The following DMD variants were observed in gnomAD, a reference collection of about 807,000 sequenced individuals.
The protein encoded by DMD is mutant dystrophin.
In DMD, 63 loss-of-function variants were observed where a neutral mutation model predicts 330.1. The observed-to-expected ratio is 0.19, with a 90% confidence interval of 0.16 to 0.24. DMD has a LOEUF of 0.24. Among genes scored for constraint, DMD ranks in the 10% least tolerant of loss-of-function variants. The pLI is 1.00. For synonymous variants in DMD, 1,223 were observed against 959.8 expected (o/e 1.27, Z -5.07); for missense variants, 3,344 against 2,684.1 (o/e 1.25, Z -5.43).
intron 29 of DMD, among the ~76,000 whole-genome samples, chrX:32,429,387 G>GTTTTTTTTTGTTTTTT (rs2098227559): frequency 6.8e-5 from 3 of 44,197 alleles, no homozygotes; most frequent in African/African-American, 3.3e-4. Flanking sequence ...TTTTTTTTGG[G>GTTTTTTTTTGTTTTTT]TTTTTTTTTT....
intron 60 of DMD, among the ~76,000 whole-genome samples, chrX:31,365,797 A>G (rs759849960): frequency 8.9e-6 from 1 of 112,763 alleles, no homozygotes; most frequent in African/African-American, 3.2e-5. Context: ...GCTGGAGAGC[A>G]TGTTGTCTTG....
chrX:32,674,596 G>A (rs1410448582), intron 9 of DMD, among the ~76,000 whole-genome samples: 1 of 111,296 alleles, frequency 9.0e-6, no homozygotes, highest in Non-Finnish European at 1.9e-5. Flanking sequence ...GTGGGATACT[G>A]CTATGTACTT....
intron 76 of DMD, among the ~76,000 whole-genome samples, chrX:31,143,878 A>G (rs1391477992): frequency 3.6e-5 from 4 of 112,321 alleles, no homozygotes; most frequent in Non-Finnish European, 7.5e-5. Context: ...GTAGAAAAAA[A>G]TAAGAGGTAC....
chrX:31,184,063 C>G (rs1001741547), intron 67 of DMD, among the ~76,000 whole-genome samples: 1 of 110,372 alleles, frequency 9.1e-6, no homozygotes, highest in Non-Finnish European at 1.9e-5. Flanking sequence ...CACACGCCAC[C>G]CCACCCGGCT....
At chrX:31,561,875 G>A (rs2075218541) in intron 55 of DMD, among the ~76,000 whole-genome samples, 1 of 111,573 alleles carries the variant, frequency 9.0e-6, no homozygotes, top group Admixed American at 9.5e-5. Context: ...ATATTCAATG[G>A]TTATATATTT....
At chrX:32,525,722 A>G (rs962901566) in intron 17 of DMD, among the ~76,000 whole-genome samples, 11 of 111,022 alleles carry the variant, frequency 9.9e-5, no homozygotes, top group Non-Finnish European at 2.1e-4. Flanking sequence ...AAATGTCTTC[A>G]TGCTTTAAAT....
intron 51 of DMD, among the ~76,000 whole-genome samples, chrX:31,755,983 T>C (rs1351095756): frequency 2.7e-5 from 3 of 111,960 alleles, no homozygotes; most frequent in Non-Finnish European, 5.6e-5. Flanking sequence ...GAGTTATGCA[T>C]GTGCAAGAAA....
rs760478286 is a variant in DMD, at chrX:31,929,467, A to AAAAAC, written c.6912+124_6912+128dup. 28,839 of 843,208 alleles carry AAAAAC rather than the reference A, an allele frequency of 0.034. 505 individuals are homozygous for AAAAAC. The highest frequency in any genetic ancestry group is 0.042 in the Non-Finnish European group (24,283 of 578,231). 69.5% of individuals were successfully genotyped at this position (843,208 alleles called of 1,213,427 possible). A position where few individuals can be genotyped will look rare whatever the true frequency, so the allele number is the denominator to read the frequency against. ...TAGCCAAAGCAAACGGTCAGGTTAA[A>AAAAAC]AAAACAAAACAAAACAACAATCCAC... On this transcript the variant is annotated intron_variant, in intron 47 of 78. Transcript: ENST00000357033.
Position 31,749,643 on chromosome X carries a change from C to A in DMD, c.7543-19895G>T, listed in dbSNP as rs1161885422. 2.4e-3 allele frequency among the ~76,000 whole-genome samples: 260 copies of A among 108,578 alleles called. 1 individual carries two copies. The highest frequency in any genetic ancestry group is 8.2e-3 in the African/African-American group (246 of 29,836). The allele number at this position is 108,578 out of a possible 115,157, so 94.3% of individuals were successfully genotyped here. A position where few individuals can be genotyped will look rare whatever the true frequency, so the allele number is the denominator to read the frequency against. On this transcript the variant is annotated intron_variant, in intron 51 of 78. Coordinates refer to ENST00000357033, the MANE Select transcript of DMD (RefSeq NM_004006.3). ...CTTTATAGCAGCATGATTTATAGTC[C>A]TTTGGGTATATACCCAGTAATGGGA...
intron 62 of DMD, among the ~76,000 whole-genome samples, chrX:31,293,881 T>G (rs2053961711): frequency 9.0e-6 from 1 of 111,147 alleles, no homozygotes; most frequent in African/African-American, 3.3e-5. Flanking sequence ...ATAGGCCAGG[T>G]GTGGTGGCTC....
At position 32,568,259 on chromosome X, in the gene DMD, C is replaced by A. The variant is rs549915751; in HGVS notation, c.1813-2378G>T. On this transcript the variant is annotated intron_variant, in intron 15 of 78. Coordinates refer to ENST00000357033, the MANE Select transcript of DMD (RefSeq NM_004006.3). Reference sequence around the variant, plus strand: ...AGGTGGTGGCTCACGCCTATAATCTCAGCACTTTGGGAGGCTGAGGCGGGC... The same window carrying A: ...AGGTGGTGGCTCACGCCTATAATCTAAGCACTTTGGGAGGCTGAGGCGGGC... Among the ~76,000 whole-genome samples the A allele has an allele frequency of 2.6e-4, 29 of 112,057 alleles. No homozygotes were observed. In the Admixed American group the frequency reaches 2.7e-3, roughly 11 times the overall value.
chrX:33,211,368 A>C lies in DMD; in HGVS notation c.-56T>G, dbSNP rs188797362. 8.4e-7 allele frequency: 1 copy of C among 1,194,254 alleles called. No individual in the cohort carries two copies. Among genetic ancestry groups the C allele is most frequent in the East Asian group, 3.0e-5 (1 of 33,230 alleles). On this transcript the variant is annotated 5_prime_UTR_variant, in exon 1 of 79. Coordinates refer to ENST00000357033, the MANE Select transcript of DMD (RefSeq NM_004006.3). The stretch of plus-strand genomic sequence containing the variant: ...AAAAAACCTGGTAAAAGTTCTTCAA[A>C]CTTTATTGCTCCAGTAGGCTTAAAA...
chrX:32,606,722 C>CAT (rs59502866), intron 12 of DMD, among the ~76,000 whole-genome samples: 3,412 of 85,693 alleles, frequency 0.04, 70 homozygotes, highest in Middle Eastern at 0.064. Context: ...TGTATATACG[C>CAT]ATATATATAT....
chrX:32,478,435 A>G (rs2041471239), intron 21 of DMD, among the ~76,000 whole-genome samples: 1 of 111,779 alleles, frequency 8.9e-6, no homozygotes, highest in Admixed American at 9.6e-5. Context: ...ACTTTATTAA[A>G]TAACATAGAC....
At chrX:32,699,340 G>A (rs368145548) in intron 7 of DMD, 47 bp from the exon 8 acceptor site, 14 of 995,661 alleles carry the variant, frequency 1.4e-5, no homozygotes, top group South Asian at 3.8e-5. Flanking sequence ...TTCTATATTT[G>A]AGACTCTAAA....
chrX:31,368,389 C>T (rs1265850754), intron 60 of DMD, among the ~76,000 whole-genome samples: 2 of 111,811 alleles, frequency 1.8e-5, no homozygotes, highest in Non-Finnish European at 3.8e-5. Context: ...CAGGGGTGCA[C>T]TGGAGAGGAT....
intron 1 of DMD, among the ~76,000 whole-genome samples, chrX:33,125,773 A>T (rs1012729275): frequency 3.6e-5 from 4 of 111,876 alleles, no homozygotes; most frequent in African/African-American, 9.7e-5. Flanking sequence ...CTTAGTTTTA[A>T]TGGCCCAAAA....
At position 33,316,337 on chromosome X, in the gene DMD, T is replaced by A. The variant is rs191134119; in HGVS notation, c.7+22922A>T. Among the ~76,000 whole-genome samples the A allele has an allele frequency of 6.2e-3, 685 of 111,010 alleles. 4 individuals are homozygous for A. The highest frequency in any genetic ancestry group is 0.014 in the Middle Eastern group (3 of 209). ...AAAGATGAAAAACCCCTGCACTAAT[T>A]CTCAATTATATTGGGTTTAAAGGAA... On this transcript the variant is annotated intron_variant, in intron 1 of 17. Coordinates refer to the DMD transcript ENST00000288447.
chrX:33,029,985 G>T (rs1354153203), intron 1 of DMD, among the ~76,000 whole-genome samples: 1 of 111,326 alleles, frequency 9.0e-6, no homozygotes, highest in African/African-American at 3.3e-5. Context: ...AATAACCTGA[G>T]TTCCAACTCC....
Sources: allele counts gnomAD v4.1 joint callset (sites outside exome capture counted in the v4.1 genomes callset), GRCh38; gene constraint gnomAD v4.1.1; transcripts MANE v1.5; gene names NCBI Gene and HGNC (gene_info 2026-07-23, HGNC 2026-07-21).